The following IL1RAP variants were observed in gnomAD, a reference collection of about 807,000 sequenced individuals.
IL1RAP encodes interleukin-1 receptor accessory protein.
IL1RAP carries 35 observed loss-of-function variants against 60.7 expected under a neutral mutation model. The observed-to-expected ratio is 0.58, with a 90% CI of 0.44 to 0.76. The LOEUF (loss-of-function observed/expected upper bound fraction) is 0.76, where lower values mean the gene tolerates loss of function less well. Ranked by LOEUF, IL1RAP falls within the 30% of genes least tolerant of loss-of-function variation. The pLI, the probability that IL1RAP is intolerant of heterozygous loss-of-function variation, is 0.00. For synonymous variants in IL1RAP, 268 were observed against 250.9 expected, an observed-to-expected ratio of 1.07 and a Z score of -0.64; for missense variants, 572 against 693.9, an observed-to-expected ratio of 0.82 and a Z score of 1.97.
chr3:190,650,068 T>C lies in IL1RAP; in HGVS notation c.*1363T>C, dbSNP rs1157550434. 1 of 639,548 alleles carries C rather than the reference T, an allele frequency of 1.6e-6. No homozygotes were observed. Among genetic ancestry groups the C allele is most frequent in the African/African-American group, 2.0e-5 (1 of 50,036 alleles). The allele number at this position is 639,548 out of a possible 1,614,324, so 39.6% of individuals were successfully genotyped here. ...AATCCACATGCACATGAAATATATATATATATATAATTTGTGTGTGTGTAT... is the reference window on the plus strand; with the variant it reads ...AATCCACATGCACATGAAATATATACATATATATAATTTGTGTGTGTGTAT... On this transcript the variant is annotated 3_prime_UTR_variant, in exon 12 of 12. Transcript: ENST00000447382.
chr3:190,575,326 A>G lies in IL1RAP; in HGVS notation c.64+10973A>G, dbSNP rs576111860. On this transcript the variant is annotated intron_variant, in intron 3 of 11. Transcript: ENST00000447382. ...GCTTGCCTGTATTGGTAACCAAAACAAAAATTATCTTTGCCCTCATGAAAT... is the reference window on the plus strand; with the variant it reads ...GCTTGCCTGTATTGGTAACCAAAACGAAAATTATCTTTGCCCTCATGAAAT... Among the ~76,000 whole-genome samples, 52 of 152,344 alleles carry G rather than the reference A, an allele frequency of 3.4e-4. No homozygotes were observed. In the Middle Eastern group the frequency reaches 0.01, roughly 30 times the overall value.
Position 190,623,378 on chromosome 3 carries a change from T to G in IL1RAP, c.738T>G (p.His246Gln). The part of the protein sequence containing the change: ...SPKNAVPPVI[H>Q]SPNDHVVYEK... The stretch of plus-strand genomic sequence containing the variant: ...AAAATGCAGTGCCCCCTGTGATCCA[T>G]TCACCTAATGATCATGTGGTCTATG... Residue 246 changes from histidine to glutamine, a missense_variant, in exon 7 of 12, where the codon CAT (histidine) becomes CAG (glutamine). Coordinates refer to ENST00000447382, the MANE Select transcript of IL1RAP (RefSeq NM_002182.4). 6.2e-7 allele frequency: 1 copy of G among 1,613,658 alleles called. No individual in the cohort carries two copies. Among genetic ancestry groups the G allele is most frequent in the Non-Finnish European group, 8.5e-7 (1 of 1,179,670 alleles).
chr3:190,622,108 C>G (rs143967014), intron 6 of IL1RAP, among the ~76,000 whole-genome samples: 3 of 152,036 alleles, frequency 2.0e-5, no homozygotes, highest in Non-Finnish European at 2.9e-5. Flanking sequence ...TAGACACTTT[C>G]GGTAATGTTG....
intron 9 of IL1RAP, among the ~76,000 whole-genome samples, chr3:190,638,722 A>G (rs1436822419): frequency 1.3e-5 from 2 of 152,018 alleles, no homozygotes; most frequent in Non-Finnish European, 2.9e-5. Flanking sequence ...CCTATAGTCC[A>G]TCTCTTTTCT....
chr3:190,648,280 C>T lies in IL1RAP; in HGVS notation c.1346-58C>T, dbSNP rs957909104. ...TTCCCTACATTTGCTCCTCAAGCCTCAATGCTTTTGGGGAGTTTTTGGCCA... is the reference window on the plus strand; with the variant it reads ...TTCCCTACATTTGCTCCTCAAGCCTTAATGCTTTTGGGGAGTTTTTGGCCA... On this transcript the variant is annotated intron_variant, in intron 11 of 11. Coordinates refer to ENST00000447382, the MANE Select transcript of IL1RAP (RefSeq NM_002182.4). The T allele has an allele frequency of 7.2e-6, 11 of 1,524,032 alleles. No homozygotes were observed. The South Asian group carries it at 1.5e-4, about 20-fold the overall frequency. 94.4% of individuals were successfully genotyped at this position (1,524,032 alleles called of 1,614,324 possible).
downstream of IL1RAP, among the ~76,000 whole-genome samples, chr3:190,655,403 C>T (rs1734581341): frequency 6.6e-6 from 1 of 152,066 alleles, no homozygotes; most frequent in Admixed American, 6.5e-5. Flanking sequence ...AAATGGTTTT[C>T]AAATATTCTA....
intron 6 of IL1RAP, among the ~76,000 whole-genome samples, chr3:190,622,737 A>G (rs1731882910): frequency 1.3e-5 from 2 of 152,318 alleles, no homozygotes; most frequent in African/African-American, 4.8e-5. Flanking sequence ...CCACCCTCTC[A>G]GCTTGTGGAT....
chr3:190,615,294 A>G, intron 5 of IL1RAP: 5 of 1,274,342 alleles, frequency 3.9e-6, no homozygotes, highest in Non-Finnish European at 5.1e-6. Context: ...ATGTGTATAA[A>G]TGGGAGACTG....
downstream of IL1RAP, among the ~76,000 whole-genome samples, chr3:190,652,772 C>T (rs74844198): frequency 0.019 from 2,848 of 152,246 alleles, 100 homozygotes; most frequent in African/African-American, 0.066. Flanking sequence ...GTTTTTTGCA[C>T]TGGATAAGTG....
In IL1RAP at chr3:190,649,531, G is replaced by A. The variant is rs147600273; in HGVS notation, c.*826G>A. 1 of 985,750 alleles carries A rather than the reference G, an allele frequency of 1.0e-6. No homozygotes were observed. The highest frequency in any genetic ancestry group is 1.2e-6 in the Non-Finnish European group (1 of 829,912). The allele number at this position is 985,750 out of a possible 1,614,324, so 61.1% of individuals were successfully genotyped here. A position where few individuals can be genotyped will look rare whatever the true frequency, so the allele number is the denominator to read the frequency against. On this transcript the variant is annotated 3_prime_UTR_variant, in exon 12 of 12. Transcript: ENST00000447382. ...AATCTCCTAATGGTGCTATAGAGAG[G>A]GAGGTAACAGAAAGACTCTTTTAGG...
rs564428926 is a variant in IL1RAP, at chr3:190,604,512, C to A, written c.350+99C>A. On this transcript the variant is annotated intron_variant, in intron 4 of 11. Transcript: ENST00000447382. ...TAGGAAGCTGGGGAGAAGTCGGAAGCATTTAGATAGAGTTTAGTGAGGTAA... is the reference window on the plus strand; with the variant it reads ...TAGGAAGCTGGGGAGAAGTCGGAAGAATTTAGATAGAGTTTAGTGAGGTAA... 92 of 1,252,954 alleles carry A rather than the reference C, an allele frequency of 7.3e-5. No individual in the cohort carries two copies. The African/African-American group carries it at 1.0e-3, about 14-fold the overall frequency. 77.6% of individuals were successfully genotyped at this position (1,252,954 alleles called of 1,614,324 possible).
intron 7 of IL1RAP, among the ~76,000 whole-genome samples, chr3:190,626,257 T>C (rs1732252973): frequency 3.3e-5 from 5 of 152,170 alleles, no homozygotes. Context: ...ACATAGATTT[T>C]AAAAAATACC....
In IL1RAP at chr3:190,615,284, A is replaced by G. The variant is rs755523583; in HGVS notation, c.538-4991A>G. 13 of 1,260,336 alleles carry G rather than the reference A, an allele frequency of 1.0e-5. No homozygotes were observed. In the African/African-American group the frequency reaches 1.4e-4, roughly 13 times the overall value. 78.1% of individuals were successfully genotyped at this position (1,260,336 alleles called of 1,614,324 possible). On this transcript the variant is annotated intron_variant, in intron 5 of 11. Coordinates refer to ENST00000447382, the MANE Select transcript of IL1RAP (RefSeq NM_002182.4). ...TATAAAACAAATTCTGAAATATACC[A>G]TGTGTATAAATGGGAGACTGCCTTG...
intron 5 of IL1RAP, among the ~76,000 whole-genome samples, chr3:190,615,818 G>A (rs965665539): frequency 1.3e-5 from 2 of 152,116 alleles, no homozygotes; most frequent in African/African-American, 4.8e-5. Flanking sequence ...TTCTGAAAAC[G>A]TGCCTGGCTT....
At chr3:190,645,866 A>G (rs1378409586) in intron 11 of IL1RAP, 24 bp downstream of exon 11, 3 of 1,598,086 alleles carry the variant, frequency 1.9e-6, no homozygotes, top group Non-Finnish European at 2.6e-6. Flanking sequence ...AGGAGTACAA[A>G]TGATGCTACC....
intron 4 of IL1RAP, among the ~76,000 whole-genome samples, chr3:190,605,129 T>A (rs1730192675): frequency 6.6e-6 from 1 of 152,150 alleles, no homozygotes; most frequent in Admixed American, 6.5e-5. Context: ...TGTATGACAA[T>A]GCTTTTTAAA....
At chr3:190,518,887 G>A (rs949698591) in intron 1 of IL1RAP, 2 of 152,256 alleles carry the variant, frequency 1.3e-5, no homozygotes, top group African/African-American at 4.8e-5. Context: ...TGAGATTTGG[G>A]TGGGGACACA....
intron 1 of IL1RAP, among the ~76,000 whole-genome samples, chr3:190,542,292 C>CT (rs1210918211): frequency 6.6e-6 from 1 of 152,172 alleles, no homozygotes; most frequent in Non-Finnish European, 1.5e-5. Flanking sequence ...GGCAGACAAT[C>CT]TGTTGCAGTC....
chr3:190,514,559 T>G (rs1180591980), intron 1 of IL1RAP, among the ~76,000 whole-genome samples: 1 of 107,844 alleles, frequency 9.3e-6, no homozygotes, highest in South Asian at 3.6e-4. Flanking sequence ...CGCCCCCATC[T>G]CCTCCTTGGT....
Sources: allele counts gnomAD v4.1 joint callset (sites outside exome capture counted in the v4.1 genomes callset), GRCh38; gene constraint gnomAD v4.1.1; transcripts MANE v1.5; gene names NCBI Gene and HGNC (gene_info 2026-07-23, HGNC 2026-07-21).